Variants in MAGI2 observed in about 807,000 individuals in gnomAD.
The protein encoded by MAGI2 is membrane associated guanylate kinase, WW and PDZ domain containing 2.
Under a neutral mutation model 133.3 loss-of-function variants are expected in MAGI2, and 35 were observed. The observed-to-expected ratio is 0.26, with a 90% CI of 0.20 to 0.35. The LOEUF is 0.35. MAGI2 is among the 10% of genes least tolerant of loss of function. The pLI, the probability that MAGI2 is intolerant of heterozygous loss-of-function variation, is 1.00. For synonymous variants in MAGI2, 729 were observed against 710.6 expected, an observed-to-expected ratio of 1.03 and a Z score of -0.41; for missense variants, 1,636 against 1,863.4, an observed-to-expected ratio of 0.88 and a Z score of 2.25.
intron 2 of MAGI2, among the ~76,000 whole-genome samples, chr7:78,963,237 A>C (rs1011846688): frequency 5.3e-5 from 8 of 152,162 alleles, no homozygotes; most frequent in African/African-American, 1.9e-4. Context: ...CCAAAAGCCT[A>C]AAATATTTAC....
intron 1 of MAGI2, among the ~76,000 whole-genome samples, chr7:79,026,575 T>C (rs887538207): frequency 6.6e-6 from 1 of 151,974 alleles, no homozygotes; most frequent in Non-Finnish European, 1.5e-5. Flanking sequence ...ACAACCCAAC[T>C]TAAAAAATGG....
At position 78,558,011 on chromosome 7, in the gene MAGI2, G is replaced by C. The variant is rs143140346; in HGVS notation, c.539-36366C>G. 9.2e-4 allele frequency among the ~76,000 whole-genome samples: 140 copies of C among 151,516 alleles called. 1 individual carries two copies. The highest frequency in any genetic ancestry group is 3.0e-3 in the African/African-American group (123 of 41,294). On this transcript the variant is annotated intron_variant, in intron 3 of 21. Transcript: ENST00000354212. ...TTAAAAAATAGTTGATTGTGTATGT[G>C]ACTAAATTCTCCTACTTAAATATAA...
intron 1 of MAGI2, among the ~76,000 whole-genome samples, chr7:79,203,116 C>T (rs71555026): frequency 0.014 from 2,065 of 152,060 alleles, 23 homozygotes; most frequent in Non-Finnish European, 0.022. Flanking sequence ...TCTCCACACA[C>T]GAAAATTAAC....
intron 1 of MAGI2, among the ~76,000 whole-genome samples, chr7:79,305,585 T>C (rs759698641): frequency 7.9e-5 from 12 of 152,164 alleles, no homozygotes; most frequent in Non-Finnish European, 1.3e-4. Flanking sequence ...GCATTTTCCA[T>C]ATCTTAGTGT....
At chr7:78,762,300 G>A (rs994191671) in intron 2 of MAGI2, among the ~76,000 whole-genome samples, 12 of 151,742 alleles carry the variant, frequency 7.9e-5, no homozygotes, top group East Asian at 5.8e-4. Context: ...AAAATTAGCC[G>A]GGCGTGGTGG....
At chr7:79,401,472 G>T (rs929166629) in intron 1 of MAGI2, among the ~76,000 whole-genome samples, 1 of 152,124 alleles carries the variant, frequency 6.6e-6, no homozygotes, top group Non-Finnish European at 1.5e-5. Flanking sequence ...TTTCTAACAC[G>T]TTACTGTGCC....
At chr7:78,915,858 G>T (rs963760329) in intron 2 of MAGI2, among the ~76,000 whole-genome samples, 1 of 152,050 alleles carries the variant, frequency 6.6e-6, no homozygotes, top group Admixed American at 6.6e-5. Context: ...TTTACATAAG[G>T]TCATCAGAGG....
chr7:78,605,220 C>G (rs1355059901), intron 3 of MAGI2, among the ~76,000 whole-genome samples: 1 of 152,106 alleles, frequency 6.6e-6, no homozygotes, highest in Non-Finnish European at 1.5e-5. Flanking sequence ...AATGGTAGAA[C>G]TAAGGAGAAA....
chr7:78,649,059 C>T (rs1269943606), intron 2 of MAGI2, among the ~76,000 whole-genome samples: 3 of 151,764 alleles, frequency 2.0e-5, no homozygotes, highest in African/African-American at 7.3e-5. Flanking sequence ...TAATTTTCTT[C>T]AGCCGCAGCA....
intron 10 of MAGI2, among the ~76,000 whole-genome samples, chr7:78,238,299 G>A (rs1790767363): frequency 6.6e-6 from 1 of 152,082 alleles, no homozygotes; most frequent in Admixed American, 6.6e-5. Flanking sequence ...AGCTTGACAT[G>A]TCCCAGACTG....
chr7:78,619,293 A>T (rs1031890228), intron 3 of MAGI2, among the ~76,000 whole-genome samples: 2 of 151,906 alleles, frequency 1.3e-5, no homozygotes, highest in East Asian at 1.9e-4. Flanking sequence ...TGAACATCAC[A>T]GTTTCAGAAC....
At chr7:78,834,824 TG>T (rs1401174789) in intron 2 of MAGI2, among the ~76,000 whole-genome samples, 1 of 152,164 alleles carries the variant, frequency 6.6e-6, no homozygotes, top group Non-Finnish European at 1.5e-5. Flanking sequence ...CTTGCAATAA[TG>T]AATGAGTACT....
At chr7:78,379,984 G>C (rs1311510184) in intron 6 of MAGI2, among the ~76,000 whole-genome samples, 1 of 151,850 alleles carries the variant, frequency 6.6e-6, no homozygotes, top group East Asian at 1.9e-4. Context: ...TTTCTAAAAT[G>C]AATGAGGTAA....
At chr7:78,393,533 A>G (rs1264822232) in intron 6 of MAGI2, among the ~76,000 whole-genome samples, 2 of 152,134 alleles carry the variant, frequency 1.3e-5, no homozygotes, top group African/African-American at 4.8e-5. Context: ...GTGATTCTGT[A>G]AGCTACTCAG....
chr7:79,171,770 A>ATATATATATATATATATATT, intron 1 of MAGI2, among the ~76,000 whole-genome samples: 4 of 31,224 alleles, frequency 1.3e-4, no homozygotes, highest in Non-Finnish European at 3.3e-4. Context: ...ATATATATAT[A>ATATATATATATATATATATT]TTTTTTTTTT....
chr7:79,193,088 C>G (rs1031584707), intron 1 of MAGI2, among the ~76,000 whole-genome samples: 1 of 151,872 alleles, frequency 6.6e-6, no homozygotes, highest in Non-Finnish European at 1.5e-5. Context: ...GCTGGGATTA[C>G]AGGTGTGACT....
At chr7:79,011,970 T>C (rs185636731) in intron 1 of MAGI2, 1 of 151,090 alleles carries the variant, frequency 6.6e-6, no homozygotes, top group East Asian at 2.0e-4. Flanking sequence ...CTTCCTTTCT[T>C]CTTTCTTTCT....
chr7:78,061,837 A>G (rs1032220207), intron 21 of MAGI2, among the ~76,000 whole-genome samples: 5 of 152,308 alleles, frequency 3.3e-5, no homozygotes, highest in African/African-American at 1.2e-4. Context: ...CAACAGTGTT[A>G]GTTGTTACAG....
chr7:79,122,652 T>A (rs1417124018), intron 1 of MAGI2, among the ~76,000 whole-genome samples: 7 of 152,044 alleles, frequency 4.6e-5, no homozygotes. Context: ...ATATTACTTT[T>A]TTTTTTTTTG....
Sources: allele counts gnomAD v4.1 joint callset (sites outside exome capture counted in the v4.1 genomes callset), GRCh38; gene constraint gnomAD v4.1.1; transcripts MANE v1.5; gene names NCBI Gene and HGNC (gene_info 2026-07-23, HGNC 2026-07-21).